WDR49: variants seen among roughly 807,000 people sequenced by gnomAD.
The protein encoded by WDR49 is WD repeat domain 49, also known as cilia- and flagella-associated protein 337.
A neutral mutation model predicts 119.5 loss-of-function variants in WDR49; 107 were observed. The ratio of observed to expected loss-of-function variants is 0.90; its 90% confidence interval spans 0.77 to 1.05. The LOEUF (loss-of-function observed/expected upper bound fraction) is 1.05. Ranked by LOEUF, WDR49 falls within the 50% of genes least tolerant of loss-of-function variation. The probability of loss-of-function intolerance (pLI) is 0.00; values close to 1 mark genes in which losing one functional copy is unlikely to be tolerated. For synonymous variants in WDR49, 425 were observed against 418.8 expected (o/e 1.01, Z -0.18); for missense variants, 1,240 against 1,220.5 (o/e 1.02, Z -0.24).
rs1348824384 is a variant in WDR49, at chr3:167,620,507, C to A, written c.880G>T (p.Ala294Ser). The change falls in exon 5 of 19, where the codon GCA becomes TCA. Residue 294 changes from alanine (A) to serine (S), a missense_variant. Physicochemically the swap from Ala to Ser is moderately conservative, Grantham distance 99. Coordinates refer to ENST00000682715, the MANE Select transcript of WDR49 (RefSeq NM_001366157.1). ...TTGTGACATCCAGAGAGCAGCTCTG[C>A]CCAGTTAATGGTCATAGTGGCTTCT... ...DGEATMTINW[A>S]ELLSGCHKCC... 4 of 1,535,918 alleles carry A rather than the reference C, an allele frequency of 2.6e-6. No homozygotes were observed. Among genetic ancestry groups the A allele is most frequent in the Non-Finnish European group, 1.7e-6 (2 of 1,146,748 alleles).
intron 3 of WDR49, among the ~76,000 whole-genome samples, chr3:167,625,282 C>T (rs73878766): frequency 0.02 from 3,095 of 151,866 alleles, 91 homozygotes; most frequent in African/African-American, 0.069. Flanking sequence ...ACTCAGAAGC[C>T]GACTTGCATT....
In WDR49 at chr3:167,500,263, T is replaced by C. The variant is rs1277165774; in HGVS notation, c.2921A>G (p.Glu974Gly). The C allele has an allele frequency of 1.2e-6, 2 of 1,606,308 alleles. No individual in the cohort carries two copies. Among genetic ancestry groups the C allele is most frequent in the Admixed American group, 3.4e-5 (2 of 58,044 alleles). Reference sequence around the variant, plus strand: ...AGCAGGTTTATTCACTTCAGGCAGCTCTTCCAGGGCTCCAATGTTTAATGA... The same window carrying C: ...AGCAGGTTTATTCACTTCAGGCAGCCCTTCCAGGGCTCCAATGTTTAATGA... Reference protein sequence around the residue: ...FRSLNIGALEELPEVNKPAFL... With the variant: ...FRSLNIGALEGLPEVNKPAFL... Residue 974 changes from glutamate to glycine, a missense_variant, in exon 18 of 19, where the codon GAG (glutamate) becomes GGG (glycine). Glu to Gly is a moderately conservative substitution (Grantham distance 98). Coordinates refer to ENST00000682715, the MANE Select transcript of WDR49 (RefSeq NM_001366157.1).
intron 2 of WDR49, among the ~76,000 whole-genome samples, chr3:167,634,732 G>A (rs186747121): frequency 5.3e-5 from 8 of 151,854 alleles, no homozygotes; most frequent in East Asian, 3.9e-4. Flanking sequence ...AGAAGAGATC[G>A]TGTGCCATTG....
At chr3:167,613,683 AC>A (rs889039028) in intron 5 of WDR49, among the ~76,000 whole-genome samples, 1 of 152,120 alleles carries the variant, frequency 6.6e-6, no homozygotes, top group African/African-American at 2.4e-5. Context: ...GGTGGCTCAC[AC>A]CTGTAATCCC....
At chr3:167,517,585 C>T (rs1752263348) in intron 16 of WDR49, among the ~76,000 whole-genome samples, 1 of 151,954 alleles carries the variant, frequency 6.6e-6, no homozygotes, top group Admixed American at 6.6e-5. Context: ...AAAATCTAGG[C>T]AATGTGATTC....
At chr3:167,576,453 G>A (rs985419803) in intron 7 of WDR49, among the ~76,000 whole-genome samples, 1 of 152,156 alleles carries the variant, frequency 6.6e-6, no homozygotes, top group African/African-American at 2.4e-5. Context: ...AGATGTCCAT[G>A]TCCTAATTCC....
chr3:167,522,489 A>T lies in WDR49; in HGVS notation c.2605-5T>A. 1 of 1,584,762 alleles carries T rather than the reference A, an allele frequency of 6.3e-7. No individual in the cohort carries two copies. The highest frequency in any genetic ancestry group is 8.5e-7 in the Non-Finnish European group (1 of 1,173,340). ...TTCAATATGCCAGTGCTTTGCCTGA[A>T]AAAAACGAAAACATCTGTTTTATTT... On this transcript the variant is annotated splice_polypyrimidine_tract_variant and splice_region_variant and intron_variant, in intron 15 of 18. Transcript: ENST00000682715.
At chr3:167,657,243 T>G (rs6777472), upstream of WDR49, among the ~76,000 whole-genome samples, 41,401 of 152,094 alleles carry the variant, frequency 0.27, 5,966 homozygotes, top group African/African-American at 0.36. Flanking sequence ...TGGAATTGTA[T>G]GTTTTACACA....
At chr3:167,534,449 G>A (rs1752955702) in intron 11 of WDR49, among the ~76,000 whole-genome samples, 1 of 152,104 alleles carries the variant, frequency 6.6e-6, no homozygotes, top group South Asian at 2.1e-4. Context: ...TCACATTTCA[G>A]GATGTGATCC....
chr3:167,635,365 T>A (rs1246222350), intron 2 of WDR49, among the ~76,000 whole-genome samples: 1 of 151,750 alleles, frequency 6.6e-6, no homozygotes, highest in Non-Finnish European at 1.5e-5. Flanking sequence ...TTAAGACTTA[T>A]CGATTGGTTG....
intron 10 of WDR49, among the ~76,000 whole-genome samples, chr3:167,544,698 G>A (rs1271748907): frequency 6.6e-6 from 1 of 151,976 alleles, no homozygotes; most frequent in Non-Finnish European, 1.5e-5. Context: ...AATGCAAGAT[G>A]GATCAAATAC....
chr3:167,546,989 G>A (rs1335172632), intron 10 of WDR49, among the ~76,000 whole-genome samples: 1 of 151,750 alleles, frequency 6.6e-6, no homozygotes, highest in Non-Finnish European at 1.5e-5. Context: ...CCCAAAATTT[G>A]TAGAGTCAAA....
At chr3:167,517,579 T>G (rs1752263022) in intron 16 of WDR49, among the ~76,000 whole-genome samples, 1 of 151,646 alleles carries the variant, frequency 6.6e-6, no homozygotes. Flanking sequence ...TAGAAGAAAA[T>G]CTAGGCAATG....
chr3:167,527,435 G>C (rs896795026), intron 15 of WDR49, among the ~76,000 whole-genome samples: 2 of 151,942 alleles, frequency 1.3e-5, no homozygotes, highest in African/African-American at 4.8e-5. Context: ...AAAATTTTCT[G>C]CATTTGATTA....
chr3:167,531,344 A>T, intron 12 of WDR49, 65 bp from the exon 13 acceptor site: 1 of 1,554,548 alleles, frequency 6.4e-7, no homozygotes, highest in Non-Finnish European at 8.8e-7. Flanking sequence ...ACTAATGCCT[A>T]TGAAATAGCA....
At chr3:167,562,510 TTC>T (rs1713327049) in intron 8 of WDR49, among the ~76,000 whole-genome samples, 1 of 152,256 alleles carries the variant, frequency 6.6e-6, no homozygotes, top group East Asian at 1.9e-4. Context: ...GCTACACATT[TTC>T]TCTCAGTGAA....
intron 7 of WDR49, among the ~76,000 whole-genome samples, chr3:167,589,706 G>T (rs553133176): frequency 6.6e-6 from 1 of 151,796 alleles, no homozygotes; most frequent in African/African-American, 2.4e-5. Flanking sequence ...TATTCTAAAC[G>T]GGATTATTTT....
intron 8 of WDR49, among the ~76,000 whole-genome samples, chr3:167,573,790 C>T (rs920438245): frequency 6.6e-6 from 1 of 152,102 alleles, no homozygotes; most frequent in Non-Finnish European, 1.5e-5. Flanking sequence ...AACAAATGGC[C>T]GTCAATATGC....
chr3:167,546,712 A>G (rs934062651), intron 10 of WDR49, among the ~76,000 whole-genome samples: 2 of 151,716 alleles, frequency 1.3e-5, no homozygotes, highest in African/African-American at 4.8e-5. Flanking sequence ...AAAAAGAAAA[A>G]TATTTAAAAC....
Sources: allele counts gnomAD v4.1 joint callset (sites outside exome capture counted in the v4.1 genomes callset), GRCh38; gene constraint gnomAD v4.1.1; transcripts MANE v1.5; gene names NCBI Gene and HGNC (gene_info 2026-07-23, HGNC 2026-07-21).